Variants in SLC35F3 observed in about 807,000 individuals in gnomAD.
The protein encoded by SLC35F3 is putative thiamine transporter SLC35F3.
In SLC35F3, 25 loss-of-function variants were observed where a neutral mutation model predicts 49.9. That is an observed-to-expected ratio of 0.50 (90% CI 0.37 to 0.70). SLC35F3 has a LOEUF of 0.70. SLC35F3 is among the 30% of genes least tolerant of loss of function. The pLI, the probability that SLC35F3 is intolerant of heterozygous loss-of-function variation, is 0.00. For missense variants in SLC35F3, 525 were observed against 639.8 expected, an observed-to-expected ratio of 0.82 and a Z score of 1.94; for synonymous variants, 275 against 265.4, an observed-to-expected ratio of 1.04 and a Z score of -0.35.
At chr1:234,148,638 C>G (rs569998707) in intron 2 of SLC35F3, among the ~76,000 whole-genome samples, 5 of 152,142 alleles carry the variant, frequency 3.3e-5, no homozygotes, top group Non-Finnish European at 7.3e-5. Flanking sequence ...AGAGACATCA[C>G]TCGATTTACA....
chr1:234,125,771 A>C (rs779536366), intron 2 of SLC35F3, among the ~76,000 whole-genome samples: 6 of 152,010 alleles, frequency 3.9e-5, no homozygotes, highest in Non-Finnish European at 8.8e-5. Context: ...TTATAGTCAA[A>C]ATTATTTGGC....
chr1:234,186,665 G>C (rs1666647313), intron 2 of SLC35F3, among the ~76,000 whole-genome samples: 1 of 152,200 alleles, frequency 6.6e-6, no homozygotes, highest in African/African-American at 2.4e-5. Context: ...ACTTGGGTCT[G>C]ATCATGGGTC....
intron 2 of SLC35F3, among the ~76,000 whole-genome samples, chr1:234,152,253 A>ATTATTATTATT (rs1491297627): frequency 8.7e-4 from 111 of 128,200 alleles, no homozygotes; most frequent in African/African-American, 2.5e-3. Flanking sequence ...TTATTATTAT[A>ATTATTATTATT]CTTTAAATTC....
In SLC35F3 at chr1:234,318,742, C is replaced by A; in HGVS notation, c.955-9C>A. The A allele has an allele frequency of 6.2e-7, 1 of 1,612,672 alleles. No homozygotes were observed. On this transcript the variant is annotated splice_polypyrimidine_tract_variant and intron_variant, in intron 5 of 7. Coordinates refer to ENST00000366618, the MANE Select transcript of SLC35F3 (RefSeq NM_173508.4). ...CCTTCACCCCGTCCTCCTCTGCTTT[C>A]TCCTACAGGTTTTGTTCAAGCTCCT...
chr1:234,322,602 G>A (rs1347127655), intron 7 of SLC35F3, among the ~76,000 whole-genome samples: 5 of 151,722 alleles, frequency 3.3e-5, no homozygotes, highest in South Asian at 4.2e-4. Context: ...AAATCCACAT[G>A]TAAGTGGATC....
At chr1:234,043,672 G>T (rs550397214) in intron 2 of SLC35F3, among the ~76,000 whole-genome samples, 1 of 152,040 alleles carries the variant, frequency 6.6e-6, no homozygotes, top group Non-Finnish European at 1.5e-5. Flanking sequence ...CTCTGAAAAG[G>T]TCTCCAGGAC....
intron 2 of SLC35F3, among the ~76,000 whole-genome samples, chr1:234,108,627 T>TATATATTTATATATAAAAGAC: frequency 8.9e-6 from 1 of 112,460 alleles, no homozygotes; most frequent in African/African-American, 3.9e-5. Context: ...ATAAAAGATA[T>TATATATTTATATATAAAAGAC]ATATATTTAT....
At chr1:234,087,071 G>C (rs1664972583) in intron 2 of SLC35F3, among the ~76,000 whole-genome samples, 1 of 152,190 alleles carries the variant, frequency 6.6e-6, no homozygotes, top group Non-Finnish European at 1.5e-5. Flanking sequence ...GCAGGTGCTT[G>C]GCAAAGATGT....
chr1:234,272,589 T>G (rs533364461), intron 3 of SLC35F3: 1 of 152,446 alleles, frequency 6.6e-6, no homozygotes, highest in South Asian at 2.1e-4. Context: ...TTGGCCTCTG[T>G]GCTCTTCAAG....
intron 2 of SLC35F3, among the ~76,000 whole-genome samples, chr1:233,985,444 A>G (rs183489737): frequency 2.0e-5 from 3 of 152,218 alleles, no homozygotes; most frequent in African/African-American, 7.2e-5. Flanking sequence ...GAATCTATCA[A>G]CTGTTTCCAA....
At chr1:234,206,468 G>A (rs895879137) in intron 2 of SLC35F3, among the ~76,000 whole-genome samples, 1 of 134,816 alleles carries the variant, frequency 7.4e-6, no homozygotes, top group Non-Finnish European at 1.6e-5. Flanking sequence ...CTGGGGGTGG[G>A]GGGGACTATT....
At chr1:234,048,897 A>C (rs142459767) in intron 2 of SLC35F3, among the ~76,000 whole-genome samples, 200 of 152,132 alleles carry the variant, frequency 1.3e-3, no homozygotes, top group African/African-American at 4.7e-3. Context: ...CCTTCTTTCT[A>C]TCTCTCTCTT....
chr1:234,131,074 C>A (rs1436006240), intron 2 of SLC35F3, among the ~76,000 whole-genome samples: 1 of 151,974 alleles, frequency 6.6e-6, no homozygotes, highest in African/African-American at 2.4e-5. Flanking sequence ...CAAAGAGAGA[C>A]AAAGCTGATC....
intron 2 of SLC35F3, among the ~76,000 whole-genome samples, chr1:234,229,181 C>CG (rs1667330933): frequency 6.6e-6 from 1 of 152,188 alleles, no homozygotes; most frequent in Non-Finnish European, 1.5e-5. Flanking sequence ...GCAAAGGAAC[C>CG]TGTCTGTTCT....
intron 3 of SLC35F3, among the ~76,000 whole-genome samples, chr1:234,292,985 T>G (rs1022820971): frequency 1.3e-5 from 2 of 152,244 alleles, no homozygotes; most frequent in Non-Finnish European, 2.9e-5. Flanking sequence ...AGAAAACAAC[T>G]GACACCCAGA....
At chr1:234,164,312 T>C (rs571226574) in intron 2 of SLC35F3, among the ~76,000 whole-genome samples, 36 of 150,318 alleles carry the variant, frequency 2.4e-4, no homozygotes, top group African/African-American at 8.6e-4. Context: ...TTCCCTCTCT[T>C]TCTCTCTCCC....
intron 3 of SLC35F3, among the ~76,000 whole-genome samples, chr1:234,278,931 T>C (rs1039548675): frequency 6.6e-6 from 1 of 152,182 alleles, no homozygotes; most frequent in African/African-American, 2.4e-5. Flanking sequence ...GTGTGAACCC[T>C]GAATATCTGA....
intron 2 of SLC35F3, among the ~76,000 whole-genome samples, chr1:234,181,704 C>T (rs1245910188): frequency 7.9e-5 from 12 of 152,026 alleles, no homozygotes; most frequent in African/African-American, 1.7e-4. Flanking sequence ...TTTTGTCCTC[C>T]GTATTTCCTG....
intron 3 of SLC35F3, among the ~76,000 whole-genome samples, chr1:234,256,674 A>T (rs565395943): frequency 1.4e-4 from 22 of 152,162 alleles, no homozygotes; most frequent in African/African-American, 5.1e-4. Flanking sequence ...AGAACCAAAA[A>T]CTCCACCATC....
Sources: allele counts gnomAD v4.1 joint callset (sites outside exome capture counted in the v4.1 genomes callset), GRCh38; gene constraint gnomAD v4.1.1; transcripts MANE v1.5; gene names NCBI Gene and HGNC (gene_info 2026-07-23, HGNC 2026-07-21).